CREB5: variants seen among roughly 807,000 people sequenced by gnomAD.
The protein encoded by CREB5 is cyclic AMP-responsive element-binding protein 5.
Under a neutral mutation model 57.1 loss-of-function variants are expected in CREB5, and 19 were observed. The observed-to-expected ratio is 0.33, with a 90% CI of 0.23 to 0.49. The LOEUF is 0.49. Ranked by LOEUF, CREB5 falls within the 20% of genes least tolerant of loss-of-function variation. The pLI, the probability that CREB5 is intolerant of heterozygous loss-of-function variation, is 0.99. For synonymous variants in CREB5, 238 were observed against 238.3 expected, an observed-to-expected ratio of 1.00 and a Z score of 0.01; for missense variants, 579 against 671.6, an observed-to-expected ratio of 0.86 and a Z score of 1.52.
At chr7:28,318,600 G>T (rs182051418) in intron 1 of CREB5, among the ~76,000 whole-genome samples, 2 of 152,246 alleles carry the variant, frequency 1.3e-5, no homozygotes, top group East Asian at 3.9e-4. Context: ...CACTCTCAGG[G>T]TTGCCTGAGA....
intron 5 of CREB5, among the ~76,000 whole-genome samples, chr7:28,642,033 CA>C (rs1369825871): frequency 6.6e-6 from 1 of 152,230 alleles, no homozygotes; most frequent in Non-Finnish European, 1.5e-5. Context: ...AGATCTCCCA[CA>C]AATACCTGGG....
chr7:28,613,339 G>A (rs919523381), intron 5 of CREB5, among the ~76,000 whole-genome samples: 2 of 152,196 alleles, frequency 1.3e-5, no homozygotes, highest in African/African-American at 2.4e-5. Context: ...CCCAGATCCT[G>A]CCCCAGGTGC....
At chr7:28,488,612 G>T (rs1237944525) in intron 2 of CREB5, among the ~76,000 whole-genome samples, 3 of 152,122 alleles carry the variant, frequency 2.0e-5, no homozygotes, top group Admixed American at 2.0e-4. Flanking sequence ...TACTGGCTGG[G>T]CTTCGAGATT....
At chr7:28,433,745 T>C (rs1788824952) in intron 1 of CREB5, among the ~76,000 whole-genome samples, 1 of 152,082 alleles carries the variant, frequency 6.6e-6, no homozygotes, top group Non-Finnish European at 1.5e-5. Context: ...TAAAAATTTC[T>C]TTTGGTTCTT....
intron 4 of CREB5, among the ~76,000 whole-genome samples, chr7:28,560,919 TGTGCGCGTGC>T (rs1795180310): frequency 1.2e-4 from 5 of 42,994 alleles, no homozygotes; most frequent in Admixed American, 2.1e-4. Flanking sequence ...CGTGTGCGTG[TGTGCGCGTGC>T]GTGTGTGCGT....
chr7:28,817,952 T>C, intron 9 of CREB5, 119 bp from the exon 10 acceptor site: 1 of 653,122 alleles, frequency 1.5e-6, no homozygotes, highest in Non-Finnish European at 2.6e-6. Context: ...TAAATAATAT[T>C]CTTAATGTCA....
At chr7:28,454,641 A>G (rs1790010027) in intron 1 of CREB5, among the ~76,000 whole-genome samples, 1 of 152,050 alleles carries the variant, frequency 6.6e-6, no homozygotes. Flanking sequence ...CCTTATTTCC[A>G]TGATGCTTGG....
At chr7:28,560,849 T>TGCGTGCGTGC (rs1342485250) in intron 4 of CREB5, among the ~76,000 whole-genome samples, 1 of 87,054 alleles carries the variant, frequency 1.1e-5, no homozygotes, top group Non-Finnish European at 2.3e-5. Flanking sequence ...TGTGTGCGCG[T>TGCGTGCGTGC]GTGTGTGTGC....
intron 8 of CREB5, among the ~76,000 whole-genome samples, chr7:28,805,229 C>T (rs904032978): frequency 3.3e-5 from 5 of 152,112 alleles, no homozygotes; most frequent in African/African-American, 9.7e-5. Context: ...GCAAAGAAAG[C>T]CAGCATTTAG....
intron 7 of CREB5, among the ~76,000 whole-genome samples, chr7:28,788,083 A>G (rs1807441270): frequency 6.6e-6 from 1 of 152,188 alleles, no homozygotes; most frequent in Non-Finnish European, 1.5e-5. Flanking sequence ...GGTTTAGTTA[A>G]CCTGGCTGTC....
intron 10 of CREB5, 34 bp from the exon 11 acceptor site, chr7:28,819,082 T>C: frequency 6.2e-7 from 1 of 1,601,724 alleles, no homozygotes; most frequent in Non-Finnish European, 8.5e-7. Context: ...GGTGTGTGTG[T>C]ATGTGTGTGT....
chr7:28,810,304 C>G (rs1373977461), intron 9 of CREB5, among the ~76,000 whole-genome samples: 1 of 151,750 alleles, frequency 6.6e-6, no homozygotes, highest in East Asian at 1.9e-4. Flanking sequence ...GTGGATTATA[C>G]TCCAGTGCTT....
At chr7:28,368,063 C>T in intron 1 of CREB5, among the ~76,000 whole-genome samples, 1 of 152,168 alleles carries the variant, frequency 6.6e-6, no homozygotes, top group East Asian at 1.9e-4. Flanking sequence ...GATCATGTTA[C>T]TCCACTGGCT....
At chr7:28,778,204 T>C (rs1806771014) in intron 7 of CREB5, among the ~76,000 whole-genome samples, 1 of 152,244 alleles carries the variant, frequency 6.6e-6, no homozygotes, top group Admixed American at 6.5e-5. Flanking sequence ...AGCACATCTT[T>C]ATGTAAACAT....
intron 5 of CREB5, among the ~76,000 whole-genome samples, chr7:28,584,586 C>T (rs1796243374): frequency 6.6e-6 from 1 of 152,126 alleles, no homozygotes; most frequent in Non-Finnish European, 1.5e-5. Flanking sequence ...AACTTTCCTT[C>T]AGAGCCCTGA....
intron 1 of CREB5, among the ~76,000 whole-genome samples, chr7:28,347,358 G>C (rs1381474409): frequency 6.6e-6 from 1 of 152,106 alleles, no homozygotes; most frequent in East Asian, 1.9e-4. Flanking sequence ...AGCTCAAAGT[G>C]ATCTTTGATT....
intron 1 of CREB5, among the ~76,000 whole-genome samples, chr7:28,313,501 T>A (rs2041497): frequency 0.79 from 119,971 of 152,148 alleles, 47,605 homozygotes; most frequent in East Asian, 1. Context: ...GGCAGTCTGA[T>A]ACTATGGCAA....
At chr7:28,666,875 C>T (rs967510228) in intron 5 of CREB5, among the ~76,000 whole-genome samples, 5 of 150,918 alleles carry the variant, frequency 3.3e-5, no homozygotes, top group East Asian at 1.9e-4. Flanking sequence ...TCAAAGCTGC[C>T]GTGAGCTATC....
intron 1 of CREB5, among the ~76,000 whole-genome samples, chr7:28,442,184 A>T (rs1198300254): frequency 2.6e-5 from 4 of 152,186 alleles, no homozygotes; most frequent in Non-Finnish European, 5.9e-5. Context: ...ATGAGTGAGA[A>T]CATACAGTAT....
Sources: gnomAD v4.1 joint callset for allele counts (sites outside exome capture counted in the v4.1 genomes callset) on GRCh38, gnomAD v4.1.1 for gene constraint, MANE v1.5 for transcripts, NCBI Gene and HGNC (gene_info 2026-07-23, HGNC 2026-07-21) for gene names.